The following MYO16 variants were observed in gnomAD, a reference collection of about 807,000 sequenced individuals.
MYO16 encodes the protein myosin XVI, also known as unconventional myosin-XVI.
MYO16 carries 94 observed loss-of-function variants against 205.3 expected under a neutral mutation model. The observed-to-expected ratio is 0.46, with a 90% confidence interval of 0.39 to 0.54. The LOEUF is 0.54. Among genes scored for constraint, MYO16 ranks in the 20% least tolerant of loss-of-function variants. MYO16 has a pLI of 0.00. For missense variants in MYO16, 2,315 were observed against 2,387.5 expected (o/e 0.97, Z 0.63); for synonymous variants, 988 against 954.0 (o/e 1.04, Z -0.66).
intron 27 of MYO16, among the ~76,000 whole-genome samples, chr13:109,066,308 G>A (rs999523420): frequency 1.3e-5 from 2 of 152,156 alleles, no homozygotes; most frequent in African/African-American, 4.8e-5. Context: ...GAATTAATAA[G>A]GTCAGGAGAT....
intron 7 of MYO16, among the ~76,000 whole-genome samples, chr13:108,816,849 G>A (rs375787580): frequency 6.6e-6 from 1 of 152,112 alleles, no homozygotes; most frequent in African/African-American, 2.4e-5. Flanking sequence ...AATTCATCCA[G>A]ATCATATAAA....
chr13:108,852,770 G>A (rs1170220334), intron 10 of MYO16, among the ~76,000 whole-genome samples: 1 of 152,116 alleles, frequency 6.6e-6, no homozygotes, highest in East Asian at 1.9e-4. Flanking sequence ...CTGCAGAGGA[G>A]GCACTGGGCC....
At chr13:108,641,932 G>A (rs376720849) in intron 1 of MYO16, among the ~76,000 whole-genome samples, 1 of 152,144 alleles carries the variant, frequency 6.6e-6, no homozygotes, top group African/African-American at 2.4e-5. Context: ...GGTTGGACAG[G>A]GAGGCAGCAC....
intron 1 of MYO16, among the ~76,000 whole-genome samples, chr13:108,616,904 T>G (rs1408223358): frequency 6.6e-6 from 1 of 152,084 alleles, no homozygotes; most frequent in Non-Finnish European, 1.5e-5. Flanking sequence ...GAAATTTCCT[T>G]TCATTCTGGG....
At chr13:109,102,748 A>G (rs1417868439) in intron 28 of MYO16, among the ~76,000 whole-genome samples, 1 of 152,122 alleles carries the variant, frequency 6.6e-6, no homozygotes, top group Non-Finnish European at 1.5e-5. Context: ...CATTTCTTCT[A>G]TATTGGTGCT....
intron 27 of MYO16, among the ~76,000 whole-genome samples, chr13:109,056,711 G>A (rs1887429746): frequency 1.3e-5 from 2 of 152,116 alleles, no homozygotes; most frequent in East Asian, 3.8e-4. Flanking sequence ...ATCAGAGATA[G>A]CTTTCAAAGA....
chr13:108,673,889 A>G (rs1025884427), intron 2 of MYO16, among the ~76,000 whole-genome samples: 1 of 151,960 alleles, frequency 6.6e-6, no homozygotes, highest in Non-Finnish European at 1.5e-5. Flanking sequence ...TTGATGTGCC[A>G]TCACTCCCCT....
intron 24 of MYO16, among the ~76,000 whole-genome samples, chr13:109,048,068 C>A (rs7335771): frequency 0.062 from 9,437 of 151,568 alleles, 363 homozygotes; most frequent in Middle Eastern, 0.082. Flanking sequence ...TAATGCACTT[C>A]TCTTTTATGG....
intron 22 of MYO16, among the ~76,000 whole-genome samples, chr13:109,012,931 G>A (rs1281158468): frequency 6.6e-6 from 1 of 151,618 alleles, no homozygotes; most frequent in East Asian, 1.9e-4. Context: ...CCTTCCTGTT[G>A]AGTAGGATTT....
chr13:109,053,617 C>T (rs1887320443), intron 25 of MYO16, among the ~76,000 whole-genome samples: 1 of 151,956 alleles, frequency 6.6e-6, no homozygotes, highest in Admixed American at 6.6e-5. Context: ...TACTCTTTTC[C>T]CTAAAGGACT....
At chr13:108,610,382 A>G (rs1317195964) in intron 1 of MYO16, among the ~76,000 whole-genome samples, 5 of 152,094 alleles carry the variant, frequency 3.3e-5, no homozygotes, top group African/African-American at 1.2e-4. Context: ...ACGCTGCACT[A>G]GACATTTTTT....
At chr13:108,543,215 A>C in the MYO16 span, among the ~76,000 whole-genome samples, 2 of 152,212 alleles carry the variant, frequency 1.3e-5, no homozygotes, top group African/African-American at 4.8e-5. Context: ...TGAAAAAGAG[A>C]TATTTCCAAG....
In MYO16 at chr13:108,998,804, C is replaced by CGTTGGTCTCTCCAT. The variant is rs999256756; in HGVS notation, c.2442+6369_2442+6382dup. Among the ~76,000 whole-genome samples the CGTTGGTCTCTCCAT allele has an allele frequency of 2.6e-4, 39 of 152,174 alleles. 1 individual carries two copies. The highest frequency in any genetic ancestry group is 5.0e-4 in the Non-Finnish European group (34 of 68,044). Reference sequence around the variant, plus strand: ...GTTCCTCTTTGCATGAGTCTCTCCACGTTGGTCTCTCCATGTTGGTCTCTC... The same window carrying CGTTGGTCTCTCCAT: ...GTTCCTCTTTGCATGAGTCTCTCCACGTTGGTCTCTCCATGTTGGTCTCTCCATGTTGGTCTCTC... On this transcript the variant is annotated intron_variant, in intron 21 of 34. Transcript: ENST00000457511.
At chr13:109,126,127 T>C (rs1478138317) in intron 30 of MYO16, among the ~76,000 whole-genome samples, 1 of 152,238 alleles carries the variant, frequency 6.6e-6, no homozygotes, top group Non-Finnish European at 1.5e-5. Flanking sequence ...ATGACTCTCC[T>C]TTCCCATTTC....
the MYO16 span, among the ~76,000 whole-genome samples, chr13:108,544,993 C>CTT: frequency 2.0e-5 from 3 of 149,692 alleles, no homozygotes; most frequent in East Asian, 2.0e-4. Flanking sequence ...ATTTTCTTTT[C>CTT]TTTTTTTTTT....
intron 1 of MYO16, among the ~76,000 whole-genome samples, chr13:108,638,536 A>C (rs1183359668): frequency 1.3e-5 from 2 of 151,992 alleles, no homozygotes; most frequent in African/African-American, 4.8e-5. Context: ...TTATTTGCAC[A>C]TTTTCACTCA....
At chr13:109,034,259 T>C (rs7338354) in intron 23 of MYO16, among the ~76,000 whole-genome samples, 23 of 152,368 alleles carry the variant, frequency 1.5e-4, no homozygotes, top group African/African-American at 4.6e-4. Flanking sequence ...GTATATGATA[T>C]GCTTAGGCTT....
At chr13:108,896,810 A>G (rs188085344) in intron 14 of MYO16, among the ~76,000 whole-genome samples, 50 of 152,222 alleles carry the variant, frequency 3.3e-4, no homozygotes, top group African/African-American at 1.1e-3. Context: ...CTCTACTACT[A>G]AAACTACAAA....
At chr13:108,632,003 G>A (rs771964429) in intron 1 of MYO16, among the ~76,000 whole-genome samples, 17 of 151,348 alleles carry the variant, frequency 1.1e-4, no homozygotes, top group East Asian at 3.9e-4. Context: ...GCTTGAACCC[G>A]GGAGGCGGAG....
Sources: gnomAD v4.1 joint callset for allele counts (sites outside exome capture counted in the v4.1 genomes callset) on GRCh38, gnomAD v4.1.1 for gene constraint, MANE v1.5 for transcripts, NCBI Gene and HGNC (gene_info 2026-07-23, HGNC 2026-07-21) for gene names.